The following INSC variants were observed in gnomAD, a reference collection of about 807,000 sequenced individuals.
INSC encodes the protein INSC spindle orientation adaptor protein, also known as protein inscuteable homolog.
Under a neutral mutation model 58.6 loss-of-function variants are expected in INSC, and 67 were observed. The ratio of observed to expected loss-of-function variants is 1.14; its 90% CI spans 0.94 to 1.40. The LOEUF (loss-of-function observed/expected upper bound fraction) is 1.40, where lower values mean the gene tolerates loss of function less well. INSC is among the 40% of genes most tolerant of loss of function. The pLI, the probability that INSC is intolerant of heterozygous loss-of-function variation, is 0.00. For missense variants in INSC, 714 were observed against 692.0 expected, an observed-to-expected ratio of 1.03 and a Z score of -0.36; for synonymous variants, 262 against 276.1, an observed-to-expected ratio of 0.95 and a Z score of 0.51.
chr11:15,128,123 A>G (rs1848042003), intron 1 of INSC, among the ~76,000 whole-genome samples: 1 of 149,380 alleles, frequency 6.7e-6, no homozygotes, highest in African/African-American at 2.5e-5. Context: ...TACAGAGTTG[A>G]AAAAAAAAAC....
intron 12 of INSC, among the ~76,000 whole-genome samples, chr11:15,242,298 C>T (rs991789369): frequency 1.3e-5 from 2 of 152,174 alleles, no homozygotes; most frequent in Non-Finnish European, 2.9e-5. Context: ...GGAGAGCACA[C>T]AGAAGAGCTT....
intron 2 of INSC, among the ~76,000 whole-genome samples, chr11:15,155,510 C>A (rs537236882): frequency 6.4e-4 from 98 of 152,190 alleles, no homozygotes; most frequent in Non-Finnish European, 1.2e-3. Context: ...GGGAGTATGT[C>A]ACTGTGCAAT....
the INSC span, among the ~76,000 whole-genome samples, chr11:15,267,237 A>C: frequency 6.8e-3 from 1,028 of 151,990 alleles, 12 homozygotes; most frequent in African/African-American, 0.024. Context: ...TTGCTCCTCT[A>C]TATAATGTGT....
Position 15,213,205 on chromosome 11 carries a change from C to T in INSC, c.820-8272C>T, listed in dbSNP as rs7125954. Among the ~76,000 whole-genome samples, 1,038 of 151,938 alleles carry T rather than the reference C, an allele frequency of 6.8e-3. 14 individuals are homozygous for T. Among genetic ancestry groups the T allele is most frequent in the African/African-American group, 0.024 (984 of 41,404 alleles). Reference sequence around the variant, plus strand: ...TGATACCCCCAGCACTTTAGGAGGCCGAGGCGGGCAGATCACTGCACTCCA... The same window carrying T: ...TGATACCCCCAGCACTTTAGGAGGCTGAGGCGGGCAGATCACTGCACTCCA... On this transcript the variant is annotated intron_variant, in intron 7 of 12. Coordinates refer to ENST00000379556, the MANE Select transcript of INSC (RefSeq NM_001042536.3).
chr11:15,152,566 C>G (rs1201301945), intron 2 of INSC, among the ~76,000 whole-genome samples: 1 of 152,182 alleles, frequency 6.6e-6, no homozygotes, highest in Non-Finnish European at 1.5e-5. Flanking sequence ...GTGTTCAGCC[C>G]ATAAAAGCTT....
upstream of INSC, among the ~76,000 whole-genome samples, chr11:15,114,264 G>T (rs549270457): frequency 1.7e-3 from 210 of 122,028 alleles, no homozygotes; most frequent in African/African-American, 6.2e-3. Flanking sequence ...GGGGGTGGGG[G>T]GTGGGGTCTG....
chr11:15,245,858 T>G, intron 12 of INSC, 54 bp from the exon 13 acceptor site: 1 of 1,583,046 alleles, frequency 6.3e-7, no homozygotes, highest in South Asian at 1.1e-5. Context: ...AGGAAATACA[T>G]GTACCTGACA....
intron 1 of INSC, among the ~76,000 whole-genome samples, chr11:15,124,081 C>A (rs1486439220): frequency 6.6e-6 from 1 of 152,236 alleles, no homozygotes; most frequent in African/African-American, 2.4e-5. Flanking sequence ...TCCTCTTGTT[C>A]ATTCACCCAC....
chr11:15,207,264 G>T (rs984100452), intron 7 of INSC, among the ~76,000 whole-genome samples: 1 of 152,248 alleles, frequency 6.6e-6, no homozygotes, highest in East Asian at 1.9e-4. Flanking sequence ...GACCAGAGAC[G>T]GCCTCACTTT....
the INSC span, among the ~76,000 whole-genome samples, chr11:15,254,202 G>A: frequency 6.6e-6 from 1 of 152,142 alleles, no homozygotes; most frequent in Non-Finnish European, 1.5e-5. Flanking sequence ...TAATACTGTT[G>A]TGGGATAGAA....
upstream of INSC, chr11:15,112,408 A>G (rs936323767): frequency 4.8e-5 from 67 of 1,391,332 alleles, no homozygotes; most frequent in African/African-American, 8.8e-4. Context: ...GCAAAGGGAA[A>G]GAAGCTGTTC....
At chr11:15,185,348 C>A (rs1849925604) in intron 5 of INSC, among the ~76,000 whole-genome samples, 1 of 152,074 alleles carries the variant, frequency 6.6e-6, no homozygotes, top group Non-Finnish European at 1.5e-5. Flanking sequence ...AATATTCAAT[C>A]ACGGATACAT....
At chr11:15,119,804 G>A (rs1038208426) in intron 1 of INSC, among the ~76,000 whole-genome samples, 20 of 152,216 alleles carry the variant, frequency 1.3e-4, no homozygotes, top group Non-Finnish European at 2.1e-4. Flanking sequence ...AGAGTGCACG[G>A]GCTTTGCAGC....
intron 6 of INSC, among the ~76,000 whole-genome samples, chr11:15,195,124 T>C (rs1388258799): frequency 6.6e-6 from 1 of 152,188 alleles, no homozygotes; most frequent in African/African-American, 2.4e-5. Flanking sequence ...ATCTGTTTTC[T>C]CCAAGGATTC....
chr11:15,226,225 G>A (rs1851633857), intron 9 of INSC, among the ~76,000 whole-genome samples: 1 of 152,060 alleles, frequency 6.6e-6, no homozygotes, highest in Non-Finnish European at 1.5e-5. Flanking sequence ...CTCCTCTGAA[G>A]GTCTGTGTCC....
At chr11:15,121,679 G>A (rs1050592570) in intron 1 of INSC, among the ~76,000 whole-genome samples, 1 of 152,114 alleles carries the variant, frequency 6.6e-6, no homozygotes, top group Admixed American at 6.5e-5. Context: ...TATCATCGTT[G>A]ATCATTTTGA....
At chr11:15,222,519 C>G (rs958738144) in intron 8 of INSC, among the ~76,000 whole-genome samples, 3 of 152,132 alleles carry the variant, frequency 2.0e-5, no homozygotes, top group African/African-American at 7.2e-5. Flanking sequence ...GGTTTGGACT[C>G]GGGCTTTTCA....
At chr11:15,264,513 G>A in the INSC span, among the ~76,000 whole-genome samples, 3 of 149,102 alleles carry the variant, frequency 2.0e-5, no homozygotes, top group Non-Finnish European at 4.4e-5. Flanking sequence ...GGCTGTCAGC[G>A]GGGGATAGCC....
chr11:15,132,274 G>T (rs1848143001), intron 1 of INSC, among the ~76,000 whole-genome samples: 2 of 152,106 alleles, frequency 1.3e-5, no homozygotes, highest in South Asian at 2.1e-4. Context: ...AAAAATGAGG[G>T]ATTATAATTG....
Sources: gnomAD v4.1 joint callset for allele counts (sites outside exome capture counted in the v4.1 genomes callset) on GRCh38, gnomAD v4.1.1 for gene constraint, MANE v1.5 for transcripts, NCBI Gene and HGNC (gene_info 2026-07-23, HGNC 2026-07-21) for gene names.